Variants in ROBO2 observed in about 807,000 individuals in gnomAD.
ROBO2 encodes roundabout homolog 2.
In ROBO2, 53 loss-of-function variants were observed where a neutral mutation model predicts 160.8. That is an observed-to-expected ratio of 0.33 (90% CI 0.26 to 0.41). The LOEUF is 0.41. Among genes scored for constraint, ROBO2 ranks in the 10% least tolerant of loss-of-function variants. ROBO2 has a pLI of 1.00. For synonymous variants in ROBO2, 664 were observed against 611.7 expected (o/e 1.09, Z -1.26); for missense variants, 1,577 against 1,722.4 (o/e 0.92, Z 1.49).
chr3:76,693,117 A>G (rs1490119142), intron 2 of ROBO2, among the ~76,000 whole-genome samples: 1 of 149,708 alleles, frequency 6.7e-6, no homozygotes, highest in Non-Finnish European at 1.5e-5. Flanking sequence ...CTATATATGT[A>G]TGTGTATATA....
At chr3:76,610,023 G>A (rs13097566) in intron 2 of ROBO2, among the ~76,000 whole-genome samples, 131,053 of 152,114 alleles carry the variant, frequency 0.86, 58,130 homozygotes, top group East Asian at 0.98. Flanking sequence ...ATTTGTGTAT[G>A]TTGAGCCATC....
intron 6 of ROBO2, among the ~76,000 whole-genome samples, chr3:77,535,755 A>T (rs1466606659): frequency 6.6e-6 from 1 of 152,168 alleles, no homozygotes; most frequent in Admixed American, 6.6e-5. Context: ...AAAGTTCAGA[A>T]CTTGTTTAAT....
chr3:77,422,682 G>C (rs2077819280), intron 2 of ROBO2, among the ~76,000 whole-genome samples: 1 of 152,054 alleles, frequency 6.6e-6, no homozygotes. Flanking sequence ...GACCTCCCCT[G>C]GTTGGATTGT....
intron 2 of ROBO2, among the ~76,000 whole-genome samples, chr3:76,141,159 C>CTCTCTATATATATATA (rs1364431015): frequency 4.4e-4 from 4 of 9,174 alleles, no homozygotes; most frequent in Non-Finnish European, 5.4e-4. Context: ...CTCTCTCTCT[C>CTCTCTATATATATATA]TATATATATA....
chr3:76,972,880 C>T (rs1352185554), intron 2 of ROBO2, among the ~76,000 whole-genome samples: 2 of 152,054 alleles, frequency 1.3e-5, no homozygotes, highest in African/African-American at 2.4e-5. Flanking sequence ...TACATAAATA[C>T]ATAAAAATTA....
chr3:77,286,232 G>A (rs1328050570), intron 2 of ROBO2, among the ~76,000 whole-genome samples: 2 of 149,200 alleles, frequency 1.3e-5, no homozygotes, highest in African/African-American at 2.5e-5. Context: ...AGTAATGGAA[G>A]CCTAGAAACA....
intron 1 of ROBO2, among the ~76,000 whole-genome samples, chr3:77,067,106 G>A (rs1038313960): frequency 1.3e-5 from 2 of 151,160 alleles, no homozygotes; most frequent in South Asian, 2.1e-4. Context: ...CTAGGCCATA[G>A]CACTTTTTCC....
intron 2 of ROBO2, among the ~76,000 whole-genome samples, chr3:76,574,161 C>T (rs2085139611): frequency 6.6e-6 from 1 of 151,930 alleles, no homozygotes. Flanking sequence ...TAGAATTAAG[C>T]ATGAAAAACT....
In ROBO2 at chr3:77,103,669, G is replaced by A. The variant is rs117827849; in HGVS notation, c.388+5329G>A. Among the ~76,000 whole-genome samples the A allele has an allele frequency of 1.4e-4, 21 of 152,194 alleles. No individual in the cohort carries two copies. In the East Asian group the frequency reaches 4.1e-3, roughly 29 times the overall value. ...GTATGAAGACTCATGCTGTATGAAA[G>A]TCATTTAGAGAAGAAGAAGGTCTTG... On this transcript the variant is annotated intron_variant, in intron 2 of 25. Transcript: ENST00000461745.
intron 2 of ROBO2, among the ~76,000 whole-genome samples, chr3:76,684,368 T>G (rs2092639969): frequency 6.6e-6 from 1 of 152,060 alleles, no homozygotes; most frequent in African/African-American, 2.4e-5. Context: ...AAGCTGTGAG[T>G]GATCTATAGT....
intron 2 of ROBO2, among the ~76,000 whole-genome samples, chr3:76,909,071 T>C (rs983385713): frequency 1.3e-5 from 2 of 152,234 alleles, no homozygotes; most frequent in African/African-American, 4.8e-5. Context: ...TACATATTTT[T>C]AAATTAGCTG....
At chr3:76,369,675 A>G (rs1051664755) in intron 2 of ROBO2, among the ~76,000 whole-genome samples, 3 of 151,852 alleles carry the variant, frequency 2.0e-5, no homozygotes, top group African/African-American at 7.3e-5. Context: ...ACTGGGCTCT[A>G]TCTTTGGTTT....
At chr3:76,367,304 C>G (rs993452774) in intron 2 of ROBO2, among the ~76,000 whole-genome samples, 1 of 151,932 alleles carries the variant, frequency 6.6e-6, no homozygotes, top group Non-Finnish European at 1.5e-5. Flanking sequence ...AAAACTCATG[C>G]CTGTAGTTAT....
chr3:76,849,215 G>A (rs1408960619), intron 2 of ROBO2, among the ~76,000 whole-genome samples: 2 of 152,156 alleles, frequency 1.3e-5, no homozygotes, highest in South Asian at 2.1e-4. Context: ...GAAATCTGTT[G>A]TATAGTCAAG....
intron 2 of ROBO2, among the ~76,000 whole-genome samples, chr3:76,775,043 A>G (rs2108539809): frequency 6.6e-6 from 1 of 150,844 alleles, no homozygotes; most frequent in East Asian, 2.0e-4. Context: ...AAAAATATAT[A>G]CAGTAAAACT....
At chr3:76,915,366 A>G (rs1465210728) in intron 2 of ROBO2, among the ~76,000 whole-genome samples, 1 of 152,168 alleles carries the variant, frequency 6.6e-6, no homozygotes, top group African/African-American at 2.4e-5. Context: ...AAGAGCTTAA[A>G]GATTGAGAAG....
At chr3:77,308,094 C>CTTT (rs75267801) in intron 2 of ROBO2, among the ~76,000 whole-genome samples, 1 of 136,744 alleles carries the variant, frequency 7.3e-6, no homozygotes. Context: ...GGAGATATTT[C>CTTT]TTTTTTTTTT....
intron 2 of ROBO2, among the ~76,000 whole-genome samples, chr3:77,386,505 G>C (rs550319101): frequency 6.0e-5 from 9 of 150,938 alleles, no homozygotes; most frequent in East Asian, 1.9e-4. Context: ...GTTACATCAG[G>C]TACATTTCAG....
chr3:76,158,843 GTTATA>G (rs1185497381), intron 2 of ROBO2, among the ~76,000 whole-genome samples: 5 of 152,062 alleles, frequency 3.3e-5, no homozygotes, highest in Admixed American at 3.3e-4. Flanking sequence ...CTATTATACA[GTTATA>G]TTATAAAGTC....
Sources: gnomAD v4.1 joint callset for allele counts (sites outside exome capture counted in the v4.1 genomes callset) on GRCh38, gnomAD v4.1.1 for gene constraint, MANE v1.5 for transcripts, NCBI Gene and HGNC (gene_info 2026-07-23, HGNC 2026-07-21) for gene names.